Variants in CNTNAP4 observed in about 807,000 individuals in gnomAD.
The protein encoded by CNTNAP4 is contactin associated protein family member 4, also known as contactin-associated protein-like 4.
In CNTNAP4, 98 loss-of-function variants were observed where a neutral mutation model predicts 148.4. That is an observed-to-expected ratio of 0.66 (90% confidence interval 0.56 to 0.78). The LOEUF is 0.78. Ranked by LOEUF, CNTNAP4 falls within the 30% of genes least tolerant of loss-of-function variation. The pLI, the probability that CNTNAP4 is intolerant of heterozygous loss-of-function variation, is 0.00. For synonymous variants in CNTNAP4, 730 were observed against 565.1 expected (o/e 1.29, Z -4.14); for missense variants, 1,935 against 1,565.6 (o/e 1.24, Z -3.98).
chr16:76,524,442 G>A (rs1463180670), intron 17 of CNTNAP4, among the ~76,000 whole-genome samples: 1 of 152,162 alleles, frequency 6.6e-6, no homozygotes, highest in African/African-American at 2.4e-5. Context: ...TTGAGAGGCT[G>A]AAATAGTCCT....
rs1482190716 is a variant in CNTNAP4, at chr16:76,508,830, G to A, written c.2365+10136G>A. Among the ~76,000 whole-genome samples the A allele has an allele frequency of 2.3e-5, 2 of 85,798 alleles. 1 individual carries two copies. Among genetic ancestry groups the A allele is most frequent in the Admixed American group, 2.5e-4 (2 of 7,966 alleles). The allele number at this position is 85,798 out of a possible 152,430, so 56.3% of individuals were successfully genotyped here. ...TGCAGTGGCACGATCTCGGCTCACTGCAAGCTCCGCCTCCTGGGTTCACGC... is the reference window on the plus strand; with the variant it reads ...TGCAGTGGCACGATCTCGGCTCACTACAAGCTCCGCCTCCTGGGTTCACGC... On this transcript the variant is annotated intron_variant, in intron 15 of 23. Transcript: ENST00000611870.
rs7193456 is a variant in CNTNAP4, at chr16:76,334,305, A to G, written c.196+17782A>G. 6.6e-3 allele frequency among the ~76,000 whole-genome samples: 998 copies of G among 152,230 alleles called. 15 individuals carry two copies. Among genetic ancestry groups the G allele is most frequent in the African/African-American group, 0.022 (916 of 41,542 alleles). ...AAGATTTCCTTAGAAACTAGTGGAA[A>G]AAAAGCCAAAATGAAACAAAAGCCC... On this transcript the variant is annotated intron_variant, in intron 2 of 23. Transcript: ENST00000611870.
At chr16:76,347,634 T>G (rs1965018186) in intron 2 of CNTNAP4, among the ~76,000 whole-genome samples, 1 of 152,078 alleles carries the variant, frequency 6.6e-6, no homozygotes, top group African/African-American at 2.4e-5. Flanking sequence ...CAGGGTAATA[T>G]TCGAGCAAGA....
At chr16:76,428,830 A>G (rs1160657070) in intron 4 of CNTNAP4, among the ~76,000 whole-genome samples, 1 of 152,106 alleles carries the variant, frequency 6.6e-6, no homozygotes, top group African/African-American at 2.4e-5. Context: ...CTTAGTGCTT[A>G]TTATATGCAC....
chr16:76,381,333 C>G (rs979814110), intron 3 of CNTNAP4, among the ~76,000 whole-genome samples: 17 of 152,128 alleles, frequency 1.1e-4, no homozygotes, highest in African/African-American at 4.1e-4. Context: ...ACAGTAGCCT[C>G]CCAGTGCCCC....
At chr16:76,445,937 A>G (rs1010071246) in intron 4 of CNTNAP4, among the ~76,000 whole-genome samples, 4 of 152,128 alleles carry the variant, frequency 2.6e-5, no homozygotes, top group African/African-American at 9.7e-5. Flanking sequence ...CATTATTTGT[A>G]TTTGACACAG....
chr16:76,448,798 G>A lies in CNTNAP4; in HGVS notation c.774G>A (p.Leu258=). 1 of 1,610,324 alleles carries A rather than the reference G, an allele frequency of 6.2e-7. No homozygotes were observed. The highest frequency in any genetic ancestry group is 8.5e-7 in the Non-Finnish European group (1 of 1,178,492). Residue 258 remains leucine (L), a synonymous_variant, in exon 6 of 24, where the codon CTG becomes CTA. Transcript: ENST00000611870. ...GEAKLPSTST[L]VNLTLGSLLD... Reference sequence around the variant, plus strand: ...CTAAACTGCCTTCCACTTCCACCCTGGTCAATCTCACCCTGGGCAGCCTGC... The same window carrying A: ...CTAAACTGCCTTCCACTTCCACCCTAGTCAATCTCACCCTGGGCAGCCTGC...
chr16:76,281,778 C>G (rs1958696951), intron 1 of CNTNAP4, among the ~76,000 whole-genome samples: 1 of 151,626 alleles, frequency 6.6e-6, no homozygotes, highest in Non-Finnish European at 1.5e-5. Flanking sequence ...GACCCATGGG[C>G]TAAGAATAGT....
rs1291056437 is a variant in CNTNAP4, at chr16:76,427,350, T to A, written c.391-102T>A. ...TTCTTATAGAAGGTAGCACCATTCATAGTAAAATGCAGATCACACATTGCT... is the reference window on the plus strand; with the variant it reads ...TTCTTATAGAAGGTAGCACCATTCAAAGTAAAATGCAGATCACACATTGCT... On this transcript the variant is annotated intron_variant, in intron 3 of 23. Transcript: ENST00000611870. The A allele has an allele frequency of 4.5e-6, 4 of 889,882 alleles. No homozygotes were observed. In the Admixed American group the frequency reaches 1.1e-4, roughly 24 times the overall value. 55.1% of individuals were successfully genotyped at this position (889,882 alleles called of 1,614,324 possible). A position where few individuals can be genotyped will look rare whatever the true frequency, so the allele number is the denominator to read the frequency against.
At chr16:76,528,500 A>G (rs12933356) in intron 17 of CNTNAP4, among the ~76,000 whole-genome samples, 38,201 of 152,048 alleles carry the variant, frequency 0.25, 4,966 homozygotes, top group African/African-American at 0.3. Context: ...CCTGGGTTCA[A>G]AAGATCCACC....
chr16:76,423,319 G>T (rs2079259559), intron 3 of CNTNAP4, among the ~76,000 whole-genome samples: 1 of 151,916 alleles, frequency 6.6e-6, no homozygotes, highest in Non-Finnish European at 1.5e-5. Context: ...GTGAAACAAA[G>T]ATCCAAAGCA....
chr16:76,510,183 C>G (rs2082955771), intron 15 of CNTNAP4, among the ~76,000 whole-genome samples: 1 of 145,472 alleles, frequency 6.9e-6, no homozygotes, highest in African/African-American at 2.5e-5. Flanking sequence ...CAACCAGTAA[C>G]CTGCTTTTTT....
chr16:76,530,710 C>T (rs537024554), intron 17 of CNTNAP4, among the ~76,000 whole-genome samples: 3 of 152,300 alleles, frequency 2.0e-5, no homozygotes, highest in East Asian at 1.9e-4. Context: ...CTCTTTGAAC[C>T]ACGATAGTTC....
chr16:76,424,397 TAAGAAGA>T (rs2079303447), intron 3 of CNTNAP4, among the ~76,000 whole-genome samples: 1 of 152,124 alleles, frequency 6.6e-6, no homozygotes, highest in Non-Finnish European at 1.5e-5. Flanking sequence ...ATCAAAAGTA[TAAGAAGA>T]TCTAAGATCC....
chr16:76,324,257 C>A (rs1474790332), intron 2 of CNTNAP4, among the ~76,000 whole-genome samples: 1 of 152,132 alleles, frequency 6.6e-6, no homozygotes, highest in Non-Finnish European at 1.5e-5. Flanking sequence ...CAAATTTGGT[C>A]AATTAAAATA....
At chr16:76,340,399 G>T (rs1034876941) in intron 2 of CNTNAP4, among the ~76,000 whole-genome samples, 2 of 152,040 alleles carry the variant, frequency 1.3e-5, no homozygotes, top group African/African-American at 4.8e-5. Context: ...TAGTGGCTCA[G>T]GTTTCCTGTT....
chr16:76,385,277 A>G (rs1249072404), intron 3 of CNTNAP4, among the ~76,000 whole-genome samples: 1 of 152,222 alleles, frequency 6.6e-6, no homozygotes, highest in African/African-American at 2.4e-5. Flanking sequence ...TCCATGGACA[A>G]TGAATTATCA....
chr16:76,456,758 T>A (rs1354954641), intron 8 of CNTNAP4, among the ~76,000 whole-genome samples: 1 of 152,036 alleles, frequency 6.6e-6, no homozygotes, highest in Non-Finnish European at 1.5e-5. Flanking sequence ...GAGCAAAAAA[T>A]AAATAAAATA....
At chr16:76,351,404 C>G (rs555666016) in intron 2 of CNTNAP4, among the ~76,000 whole-genome samples, 1 of 152,076 alleles carries the variant, frequency 6.6e-6, no homozygotes, top group African/African-American at 2.4e-5. Context: ...CAATTTATCT[C>G]TATCGCTCAG....
Sources: allele counts gnomAD v4.1 joint callset (sites outside exome capture counted in the v4.1 genomes callset), GRCh38; gene constraint gnomAD v4.1.1; transcripts MANE v1.5; gene names NCBI Gene and HGNC (gene_info 2026-07-23, HGNC 2026-07-21).